Variants in APOOL observed in about 807,000 individuals in gnomAD.
APOOL encodes MICOS complex subunit MIC27.
Under a neutral mutation model 23.1 loss-of-function variants are expected in APOOL, and 12 were observed. That is an observed-to-expected ratio of 0.52 (90% CI 0.33 to 0.84). The LOEUF (loss-of-function observed/expected upper bound fraction) is 0.84. Among genes scored for constraint, APOOL ranks in the 40% least tolerant of loss-of-function variants. The pLI, the probability that APOOL is intolerant of heterozygous loss-of-function variation, is 0.02. For missense variants in APOOL, 212 were observed against 199.6 expected (o/e 1.06, Z -0.37); for synonymous variants, 77 against 69.9 (o/e 1.10, Z -0.51).
intron 5 of APOOL, among the ~76,000 whole-genome samples, chrX:85,058,335 G>C (rs769526294): frequency 3.6e-5 from 4 of 110,780 alleles, no homozygotes; most frequent in African/African-American, 6.6e-5. Context: ...TTGGTTTTCT[G>C]TTCCTGTGTT....
In APOOL at chrX:85,084,494, G is replaced by T. The variant is rs1453243805; in HGVS notation, c.719-3096G>T. 2.8e-5 allele frequency among the ~76,000 whole-genome samples: 3 copies of T among 109,029 alleles called. No homozygotes were observed. In the Admixed American group the frequency reaches 3.0e-4, roughly 11 times the overall value. The allele number at this position is 109,029 out of a possible 115,157, so 94.7% of individuals were successfully genotyped here. ...TGACAGGCTAAGTGGTTCTAAACCA[G>T]AGAGATCCATATCACAATTACTTGA... is the stretch of plus-strand genomic sequence containing the variant. On this transcript the variant is annotated intron_variant, in intron 8 of 8. Coordinates refer to ENST00000373173, the MANE Select transcript of APOOL (RefSeq NM_198450.6).
At chrX:85,007,824 C>T (rs752502806) in intron 1 of APOOL, among the ~76,000 whole-genome samples, 11 of 111,890 alleles carry the variant, frequency 9.8e-5, no homozygotes, top group African/African-American at 3.6e-4. Context: ...CAAAATTTGT[C>T]TATGATTTAT....
chrX:85,038,807 A>T (rs1280213995), intron 1 of APOOL, among the ~76,000 whole-genome samples: 1 of 108,992 alleles, frequency 9.2e-6, no homozygotes, highest in Non-Finnish European at 1.9e-5. Flanking sequence ...TTTTTTCACT[A>T]TTAGTCTAGC....
chrX:85,045,053 G>A (rs1388791823), intron 1 of APOOL, among the ~76,000 whole-genome samples: 4 of 111,361 alleles, frequency 3.6e-5, no homozygotes, highest in Non-Finnish European at 5.7e-5. Flanking sequence ...CTGGTTCATG[G>A]GGACCATACT....
intron 5 of APOOL, among the ~76,000 whole-genome samples, chrX:85,059,752 G>C (rs777790464): frequency 9.0e-6 from 1 of 110,783 alleles, no homozygotes; most frequent in South Asian, 3.8e-4. Flanking sequence ...AAATTTGTTT[G>C]AGTTCATTGT....
At chrX:85,067,627 A>AACACACACACACACACACAC (rs758966009) in intron 6 of APOOL, among the ~76,000 whole-genome samples, 12 of 90,406 alleles carry the variant, frequency 1.3e-4, no homozygotes, top group African/African-American at 5.0e-4. Context: ...CTGAAGGTAA[A>AACACACACACACACACACAC]ACACACACAC....
intron 1 of APOOL, among the ~76,000 whole-genome samples, chrX:85,009,713 A>T (rs1878590303): frequency 9.1e-6 from 1 of 110,170 alleles, no homozygotes; most frequent in African/African-American, 3.3e-5. Flanking sequence ...TATCATGGGC[A>T]TTTGTTGTGC....
At chrX:85,076,265 T>G (rs1923832596) in intron 8 of APOOL, among the ~76,000 whole-genome samples, 1 of 111,304 alleles carries the variant, frequency 9.0e-6, no homozygotes, top group African/African-American at 3.3e-5. Context: ...CATTTGGCGT[T>G]TATTATACAG....
intron 1 of APOOL, among the ~76,000 whole-genome samples, chrX:85,031,857 G>C (rs769523199): frequency 4.0e-4 from 45 of 112,101 alleles, no homozygotes; most frequent in African/African-American, 1.3e-3. Flanking sequence ...ATTTAATCCT[G>C]TTTTGAAATT....
At chrX:85,045,753 T>A (rs1465322714) in intron 1 of APOOL, among the ~76,000 whole-genome samples, 1 of 111,962 alleles carries the variant, frequency 8.9e-6, no homozygotes, top group Non-Finnish European at 1.9e-5. Context: ...AAAACAAAGA[T>A]CACTTTTTGC....
At chrX:85,081,141 T>G (rs1924083337) in intron 8 of APOOL, among the ~76,000 whole-genome samples, 1 of 111,800 alleles carries the variant, frequency 8.9e-6, no homozygotes, top group South Asian at 3.7e-4. Context: ...CGTTATGATG[T>G]TAGCTGGTTA....
In APOOL at chrX:85,085,471, GTTGTT is replaced by G. The variant is rs1342760407; in HGVS notation, c.719-2113_719-2109del. Reference sequence around the variant, plus strand: ...TGAATACTAATTACTTATGAATCTGGTTGTTTTGTTAATATATGTGGTGATGAAGT... The same window carrying G: ...TGAATACTAATTACTTATGAATCTGGTTGTTAATATATGTGGTGATGAAGT... On this transcript the variant is annotated intron_variant, in intron 8 of 8. Coordinates refer to ENST00000373173, the MANE Select transcript of APOOL (RefSeq NM_198450.6). 3.6e-5 allele frequency among the ~76,000 whole-genome samples: 4 copies of G among 111,865 alleles called. No homozygotes were observed. In the East Asian group the frequency reaches 1.1e-3, roughly 31 times the overall value.
At chrX:85,077,982 G>A (rs1923925853) in intron 8 of APOOL, among the ~76,000 whole-genome samples, 1 of 111,610 alleles carries the variant, frequency 9.0e-6, no homozygotes, top group African/African-American at 3.3e-5. Context: ...GTAGATTCTG[G>A]ATATTAACCC....
At chrX:85,014,759 T>A (rs180850815) in intron 1 of APOOL, among the ~76,000 whole-genome samples, 13 of 109,741 alleles carry the variant, frequency 1.2e-4, no homozygotes, top group Non-Finnish European at 2.3e-4. Context: ...GATTCTTTCC[T>A]TCACCTTGAG....
At chrX:85,085,279 G>C (rs1289060297) in intron 8 of APOOL, among the ~76,000 whole-genome samples, 1 of 111,603 alleles carries the variant, frequency 9.0e-6, no homozygotes, top group Non-Finnish European at 1.9e-5. Flanking sequence ...GTGTTTTGTT[G>C]CCTGTATACA....
At chrX:85,054,231 G>T in intron 3 of APOOL, 113 bp from the exon 4 acceptor site, 1 of 619,591 alleles carries the variant, frequency 1.6e-6, no homozygotes, top group Non-Finnish European at 2.5e-6. Flanking sequence ...ATTTAGATTT[G>T]GGCATAATGT....
intron 3 of APOOL, among the ~76,000 whole-genome samples, chrX:85,054,008 A>G (rs1602769659): frequency 9.0e-6 from 1 of 110,755 alleles, no homozygotes; most frequent in African/African-American, 3.3e-5. Flanking sequence ...ACTGAAATAT[A>G]CCTCCCTTCT....
chrX:85,021,542 G>A (rs1391699552), intron 1 of APOOL, among the ~76,000 whole-genome samples: 1 of 111,116 alleles, frequency 9.0e-6, no homozygotes, highest in Non-Finnish European at 1.9e-5. Context: ...CAGAGCCTAT[G>A]GACTGAGATG....
At chrX:85,048,021 C>CT (rs1922633727) in intron 2 of APOOL, among the ~76,000 whole-genome samples, 1 of 111,452 alleles carries the variant, frequency 9.0e-6, no homozygotes, top group Admixed American at 9.6e-5. Flanking sequence ...TGTTGAACCA[C>CT]TTTGTATTGA....
Sources: allele counts gnomAD v4.1 joint callset (sites outside exome capture counted in the v4.1 genomes callset), GRCh38; gene constraint gnomAD v4.1.1; transcripts MANE v1.5; gene names NCBI Gene and HGNC (gene_info 2026-07-23, HGNC 2026-07-21).